The following ARSG variants were observed in gnomAD, a reference collection of about 807,000 sequenced individuals.
ARSG encodes ASG.
ARSG carries 37 observed loss-of-function variants against 50.5 expected under a neutral mutation model. The ratio of observed to expected loss-of-function variants is 0.73; its 90% CI spans 0.56 to 0.96. The LOEUF (loss-of-function observed/expected upper bound fraction) is 0.96, where lower values mean the gene tolerates loss of function less well. Ranked by LOEUF, ARSG falls within the 50% of genes least tolerant of loss-of-function variation. The pLI, the probability that ARSG is intolerant of heterozygous loss-of-function variation, is 0.00. For missense variants in ARSG, 629 were observed against 675.3 expected (o/e 0.93, Z 0.76); for synonymous variants, 225 against 254.6 (o/e 0.88, Z 1.11).
intron 1 of ARSG, among the ~76,000 whole-genome samples, chr17:68,292,241 C>T (rs2145260919): frequency 6.6e-6 from 1 of 152,300 alleles, no homozygotes; most frequent in East Asian, 1.9e-4. Context: ...CGCGCGCACC[C>T]TCCAGGCAGT....
chr17:68,345,406 C>T (rs898726112), intron 3 of ARSG, among the ~76,000 whole-genome samples: 3 of 152,328 alleles, frequency 2.0e-5, no homozygotes, highest in Admixed American at 6.5e-5. Flanking sequence ...GGGCTGGCTT[C>T]TTCTGGAGCT....
At chr17:68,447,562 T>G in the ARSG span, among the ~76,000 whole-genome samples, 35 of 151,932 alleles carry the variant, frequency 2.3e-4, no homozygotes, top group Non-Finnish European at 1.0e-4. Flanking sequence ...ATTTTTATAG[T>G]AAAGACCTAG....
the ARSG span, chr17:68,429,892 G>A: frequency 6.4e-7 from 1 of 1,550,624 alleles, no homozygotes; most frequent in Non-Finnish European, 8.8e-7. Context: ...CCCAGCCTGG[G>A]GCAAGTTTTC....
chr17:68,320,091 A>T (rs2077220410), intron 2 of ARSG, among the ~76,000 whole-genome samples: 1 of 152,184 alleles, frequency 6.6e-6, no homozygotes, highest in South Asian at 2.1e-4. Context: ...GTTCGAGACC[A>T]GCCTGGGCAA....
chr17:68,450,957 C>G, the ARSG span: 18 of 1,557,094 alleles, frequency 1.2e-5, no homozygotes, highest in Non-Finnish European at 1.4e-5. Flanking sequence ...AGGATTCCAG[C>G]CTCCATGACA....
At chr17:68,425,323 C>T (rs752818275), downstream of ARSG, among the ~76,000 whole-genome samples, 6 of 152,036 alleles carry the variant, frequency 3.9e-5, no homozygotes, top group African/African-American at 7.2e-5. Context: ...CCCATCTCAG[C>T]GTCCCGAATA....
chr17:68,264,513 C>G (rs1158423349), intron 1 of ARSG, among the ~76,000 whole-genome samples: 2 of 151,976 alleles, frequency 1.3e-5, no homozygotes. Context: ...AATCTTGGCT[C>G]ACCACAACCT....
intron 2 of ARSG, among the ~76,000 whole-genome samples, chr17:68,327,043 T>A (rs561104562): frequency 3.0e-4 from 45 of 152,188 alleles, no homozygotes; most frequent in African/African-American, 8.4e-4. Flanking sequence ...GAAGTCAAAG[T>A]CAGGGCTTAT....
At chr17:68,260,138 T>C (rs2075050070) in intron 1 of ARSG, among the ~76,000 whole-genome samples, 1 of 152,148 alleles carries the variant, frequency 6.6e-6, no homozygotes, top group Non-Finnish European at 1.5e-5. Context: ...GAAAGCAGAG[T>C]CGTAAAGCAT....
At chr17:68,278,376 CG>C in intron 1 of ARSG, 2 of 1,214,962 alleles carry the variant, frequency 1.6e-6, no homozygotes, top group African/African-American at 1.5e-5. Flanking sequence ...GCATGAGGAT[CG>C]ATGATTCTCA....
At chr17:68,409,849 G>A (rs2081922443) in intron 11 of ARSG, among the ~76,000 whole-genome samples, 1 of 151,058 alleles carries the variant, frequency 6.6e-6, no homozygotes, top group Admixed American at 6.6e-5. Context: ...TCCCTTGTAA[G>A]TTGGATTCCT....
At chr17:68,364,142 T>C (rs1303101932) in intron 6 of ARSG, among the ~76,000 whole-genome samples, 2 of 152,092 alleles carry the variant, frequency 1.3e-5, no homozygotes, top group South Asian at 2.1e-4. Flanking sequence ...TGCACCATAA[T>C]CTTCTCCACA....
At chr17:68,386,707 G>A (rs1482358969) in intron 9 of ARSG, among the ~76,000 whole-genome samples, 5 of 152,080 alleles carry the variant, frequency 3.3e-5, no homozygotes, top group African/African-American at 4.8e-5. Flanking sequence ...TTATCAAGAG[G>A]GGCCAAGTGT....
In ARSG at chr17:68,368,555, G is replaced by A. The variant is rs760367177; in HGVS notation, c.712G>A (p.Gly238Arg). 73 of 1,613,456 alleles carry A rather than the reference G, an allele frequency of 4.5e-5. No homozygotes were observed. The highest frequency in any genetic ancestry group is 6.6e-5 in the South Asian group (6 of 91,020). Residue 238 changes from glycine to arginine, a missense_variant, in exon 7 of 12, where the codon GGG becomes AGG. Coordinates refer to ENST00000621439, the MANE Select transcript of ARSG (RefSeq NM_001267727.2). ...TQFIQRASTS[G>R]RPFLLYVALA... ...TTGGTTCTCCTGTTTCAGCACCAGC[G>A]GGAGGCCCTTCCTGCTCTATGTGGC...
At chr17:68,430,233 A>G in the ARSG span, 2 of 1,477,158 alleles carry the variant, frequency 1.4e-6, no homozygotes, top group African/African-American at 1.4e-5. Context: ...CTCCACACCC[A>G]AGCGTCATTA....
At chr17:68,369,229 G>A (rs142236035) in intron 7 of ARSG, among the ~76,000 whole-genome samples, 10 of 152,232 alleles carry the variant, frequency 6.6e-5, no homozygotes, top group African/African-American at 1.7e-4. Flanking sequence ...TGTCTGGAGC[G>A]ACTGCAGAGG....
At chr17:68,391,422 G>A (rs1264039287) in intron 9 of ARSG, among the ~76,000 whole-genome samples, 1 of 152,188 alleles carries the variant, frequency 6.6e-6, no homozygotes, top group Non-Finnish European at 1.5e-5. Flanking sequence ...GGTGGACTAG[G>A]TACCTCTGAA....
intron 8 of ARSG, 142 bp downstream of exon 8, chr17:68,370,666 A>G: frequency 1.4e-6 from 1 of 714,036 alleles, no homozygotes; most frequent in South Asian, 1.8e-5. Context: ...TTTGCTCACC[A>G]GCCACCAGCA....
At chr17:68,421,701 C>T (rs1284429794), downstream of ARSG, 26 of 1,607,742 alleles carry the variant, frequency 1.6e-5, no homozygotes, top group Non-Finnish European at 2.2e-5. Flanking sequence ...GCACTCCATT[C>T]TTCCGCCTTC....
Sources: allele counts gnomAD v4.1 joint callset (sites outside exome capture counted in the v4.1 genomes callset), GRCh38; gene constraint gnomAD v4.1.1; transcripts MANE v1.5; gene names NCBI Gene and HGNC (gene_info 2026-07-23, HGNC 2026-07-21).